Variants in TBC1D32 observed in about 807,000 individuals in gnomAD.
TBC1D32 encodes the protein protein broad-minded.
In TBC1D32, 151 loss-of-function variants were observed where a neutral mutation model predicts 170.3. The observed-to-expected ratio is 0.89, with a 90% CI of 0.78 to 1.01. The LOEUF is 1.01. Ranked by LOEUF, TBC1D32 falls within the 50% of genes least tolerant of loss-of-function variation. The pLI is 0.00. For synonymous variants in TBC1D32, 498 were observed against 488.0 expected, an observed-to-expected ratio of 1.02 and a Z score of -0.27; for missense variants, 1,464 against 1,457.1, an observed-to-expected ratio of 1.00 and a Z score of -0.08.
At position 121,256,229 on chromosome 6, in the gene TBC1D32, A is replaced by G; in HGVS notation, c.1790T>C (p.Ile597Thr). Reference sequence around the variant, plus strand: ...CATTTCTGATCCAGAAAATATAGAAATATCTTCATCGAGAAGTTTTTTCGA... The same window carrying G: ...CATTTCTGATCCAGAAAATATAGAAGTATCTTCATCGAGAAGTTTTTTCGA... Reference protein sequence around the residue: ...QFSKKLLDEDISIFSGSEMLP... With the variant: ...QFSKKLLDEDTSIFSGSEMLP... Residue 597 changes from isoleucine to threonine, a missense_variant, in exon 16 of 32, where the codon ATT (isoleucine) becomes ACT (threonine). Coordinates refer to ENST00000398212, the MANE Select transcript of TBC1D32 (RefSeq NM_152730.6). 1 of 1,613,846 alleles carries G rather than the reference A, an allele frequency of 6.2e-7. No individual in the cohort carries two copies. The highest frequency in any genetic ancestry group is 8.5e-7 in the Non-Finnish European group (1 of 1,179,942).
intron 21 of TBC1D32, among the ~76,000 whole-genome samples, chr6:121,220,327 A>C (rs1482672236): frequency 6.6e-6 from 1 of 152,210 alleles, no homozygotes; most frequent in African/African-American, 2.4e-5. Context: ...AAACAAACTT[A>C]TTACTGATAT....
At chr6:121,308,177 A>C (rs1807618934) in intron 4 of TBC1D32, 76 bp from the exon 5 acceptor site, 20 of 1,368,580 alleles carry the variant, frequency 1.5e-5, no homozygotes, top group Non-Finnish European at 2.0e-5. Flanking sequence ...AATATTTAAC[A>C]AACTACTAAA....
chr6:121,241,314 T>C, intron 19 of TBC1D32, 151 bp downstream of exon 19: 1 of 651,200 alleles, frequency 1.5e-6, no homozygotes, highest in Non-Finnish European at 2.6e-6. Context: ...AAAAAGAAAA[T>C]CCTGTAACTT....
chr6:121,213,819 A>G (rs1335711256), intron 21 of TBC1D32, among the ~76,000 whole-genome samples: 1 of 152,218 alleles, frequency 6.6e-6, no homozygotes, highest in Non-Finnish European at 1.5e-5. Context: ...GAAACCAAAA[A>G]AGAGCCTGAA....
At chr6:121,174,410 T>G (rs1443422486) in intron 22 of TBC1D32, among the ~76,000 whole-genome samples, 2 of 151,856 alleles carry the variant, frequency 1.3e-5, no homozygotes, top group Non-Finnish European at 2.9e-5. Flanking sequence ...TGTCCCAGAG[T>G]AAACTGAATC....
At position 121,261,117 on chromosome 6, in the gene TBC1D32, A is replaced by G. The variant is rs1583446890; in HGVS notation, c.1734-4832T>C. Among the ~76,000 whole-genome samples the G allele has an allele frequency of 9.2e-5, 14 of 152,290 alleles. No homozygotes were observed. In the South Asian group the frequency reaches 2.7e-3, roughly 29 times the overall value. On this transcript the variant is annotated intron_variant, in intron 15 of 31. Coordinates refer to ENST00000398212, the MANE Select transcript of TBC1D32 (RefSeq NM_152730.6). ...CTCCAACAACTCCAGCCAGTGGCTC[A>G]GGGACAGAACTCTGATCTCCCTGGC...
At chr6:121,137,728 T>C (rs1782290097) in intron 24 of TBC1D32, among the ~76,000 whole-genome samples, 2 of 152,058 alleles carry the variant, frequency 1.3e-5, no homozygotes, top group Non-Finnish European at 2.9e-5. Context: ...TTATAGATGA[T>C]GTAGAAAGAG....
intron 9 of TBC1D32, among the ~76,000 whole-genome samples, chr6:121,302,680 A>T: frequency 6.6e-6 from 1 of 152,138 alleles, no homozygotes. Context: ...TATTTTGCAT[A>T]TTTTCTCAAA....
At chr6:121,104,687 CAA>C in intron 30 of TBC1D32, among the ~76,000 whole-genome samples, 1 of 151,690 alleles carries the variant, frequency 6.6e-6, no homozygotes, top group South Asian at 2.1e-4. Context: ...AAACAGATCT[CAA>C]ACTACACTCA....
Position 121,186,227 on chromosome 6 carries a change from G to A in TBC1D32, c.2570+18848C>T, listed in dbSNP as rs573610687. 2.0e-5 allele frequency among the ~76,000 whole-genome samples: 3 copies of A among 152,156 alleles called. No individual in the cohort carries two copies. The South Asian group carries it at 6.2e-4, about 32-fold the overall frequency. On this transcript the variant is annotated intron_variant, in intron 22 of 31. Transcript: ENST00000398212. The stretch of plus-strand genomic sequence containing the variant: ...GAGTAAATTAACTGCGTTGGCTAGA[G>A]GAATTGATCATGATTATCAATGAAA...
chr6:121,272,954 T>G (rs1400707469), intron 15 of TBC1D32, among the ~76,000 whole-genome samples: 1 of 151,994 alleles, frequency 6.6e-6, no homozygotes, highest in African/African-American at 2.4e-5. Context: ...TTCATGTCCT[T>G]TGTAGGAACA....
At chr6:121,304,872 A>C in intron 5 of TBC1D32, 39 bp from the exon 6 acceptor site, 2 of 1,334,380 alleles carry the variant, frequency 1.5e-6, no homozygotes, top group Non-Finnish European at 2.1e-6. Context: ...CTAAGATCTC[A>C]CAAGAATAGA....
intron 17 of TBC1D32, among the ~76,000 whole-genome samples, chr6:121,254,457 C>A (rs958373443): frequency 2.0e-4 from 31 of 152,098 alleles, no homozygotes; most frequent in South Asian, 4.2e-4. Flanking sequence ...CTAAAAATTA[C>A]CTCAAAAATA....
upstream of TBC1D32, chr6:121,334,513 C>G (rs2128522565): frequency 2.0e-6 from 3 of 1,468,654 alleles, no homozygotes; most frequent in East Asian, 2.6e-5. Context: ...GCACCCCCAC[C>G]CAGCCCCGGC....
chr6:121,099,662 A>G (rs1582763947), intron 30 of TBC1D32, among the ~76,000 whole-genome samples: 2 of 152,016 alleles, frequency 1.3e-5, no homozygotes, highest in East Asian at 3.9e-4. Context: ...GTTACTTAAA[A>G]GCTGTTTTCA....
intron 30 of TBC1D32, among the ~76,000 whole-genome samples, chr6:121,101,061 C>A (rs1777998114): frequency 1.3e-5 from 2 of 152,080 alleles, no homozygotes; most frequent in Non-Finnish European, 2.9e-5. Flanking sequence ...CCTGAATCGA[C>A]CAATAACGGG....
intron 15 of TBC1D32, among the ~76,000 whole-genome samples, chr6:121,278,202 TTC>T (rs1348537817): frequency 6.6e-6 from 1 of 152,124 alleles, no homozygotes; most frequent in African/African-American, 2.4e-5. Context: ...ATTAAACCAA[TTC>T]TGTGTCATAT....
chr6:121,303,755 C>A lies in TBC1D32; in HGVS notation c.942G>T (p.Met314Ile). 6.5e-7 allele frequency: 1 copy of A among 1,531,578 alleles called. No homozygotes were observed. 94.9% of individuals were successfully genotyped at this position (1,531,578 alleles called of 1,614,324 possible). Residue 314 changes from methionine to isoleucine, a missense_variant, in exon 9 of 32, where the codon ATG (methionine) becomes ATT (isoleucine). Transcript: ENST00000398212. The stretch of plus-strand genomic sequence containing the variant: ...ACAAAGTACTCTCCACAATTTCTTC[C>A]ATATACCTTAAAGTTTGGGAAAAAA... ...SFWIRHPEKYMEEIVESTLSL... is the reference protein window; with the variant it reads ...SFWIRHPEKYIEEIVESTLSL...
At chr6:121,295,278 T>C (rs556501694) in intron 10 of TBC1D32, among the ~76,000 whole-genome samples, 1 of 133,080 alleles carries the variant, frequency 7.5e-6, no homozygotes, top group African/African-American at 2.7e-5. Flanking sequence ...GATGGCCTCT[T>C]ATCCTAATTC....
Sources: allele counts gnomAD v4.1 joint callset (sites outside exome capture counted in the v4.1 genomes callset), GRCh38; gene constraint gnomAD v4.1.1; transcripts MANE v1.5; gene names NCBI Gene and HGNC (gene_info 2026-07-23, HGNC 2026-07-21).